CNTN6: variants seen among roughly 807,000 people sequenced by gnomAD.
The protein encoded by CNTN6 is contactin-6.
Under a neutral mutation model 122.8 loss-of-function variants are expected in CNTN6, and 137 were observed. The ratio of observed to expected loss-of-function variants is 1.12; its 90% CI spans 0.97 to 1.29. CNTN6 has a LOEUF of 1.29. Ranked by LOEUF, CNTN6 falls within the 50% of genes most tolerant of loss-of-function variation. The probability of loss-of-function intolerance (pLI) is 0.00; values close to 1 mark genes in which losing one functional copy is unlikely to be tolerated. For synonymous variants in CNTN6, 570 were observed against 426.0 expected (o/e 1.34, Z -4.16); for missense variants, 1,634 against 1,223.4 (o/e 1.34, Z -5.01).
chr3:1,111,809 A>T (rs1214726625), intron 1 of CNTN6, among the ~76,000 whole-genome samples: 1 of 152,178 alleles, frequency 6.6e-6, no homozygotes, highest in South Asian at 2.1e-4. Context: ...GAGGCTGGGC[A>T]ATCTTATTCC....
At chr3:1,241,003 C>T (rs2094475989) in intron 4 of CNTN6, among the ~76,000 whole-genome samples, 1 of 151,438 alleles carries the variant, frequency 6.6e-6, no homozygotes, top group African/African-American at 2.4e-5. Context: ...GGGAGAATTA[C>T]AAAGAACCTT....
intron 20 of CNTN6, among the ~76,000 whole-genome samples, chr3:1,388,210 G>A (rs1156786530): frequency 2.0e-5 from 3 of 150,064 alleles, no homozygotes; most frequent in East Asian, 3.9e-4. Flanking sequence ...TGCAGCTGGA[G>A]ATCTGAGAAC....
rs539554583 is a variant in CNTN6 at position 1,379,101 on chromosome 3, G to A, written c.2166+2026G>A. 5.3e-5 allele frequency among the ~76,000 whole-genome samples: 8 copies of A among 152,218 alleles called. No homozygotes were observed. In the East Asian group the frequency reaches 1.2e-3, roughly 22 times the overall value. Reference sequence around the variant, plus strand: ...CCTTGGTAAGAAATTCCTACAGGCTGTTGTTGCAATTGCTTGTACACAGTC... The same window carrying A: ...CCTTGGTAAGAAATTCCTACAGGCTATTGTTGCAATTGCTTGTACACAGTC... On this transcript the variant is annotated intron_variant, in intron 17 of 22. Transcript: ENST00000446702.
chr3:1,277,341 G>GTTTTCTT (rs1559684685), intron 4 of CNTN6, among the ~76,000 whole-genome samples: 7 of 66,108 alleles, frequency 1.1e-4, no homozygotes, highest in Admixed American at 2.4e-4. Context: ...CTTTTAGTAG[G>GTTTTCTT]TTTTCTTTTT....
At chr3:1,286,763 G>A (rs565117167) in intron 5 of CNTN6, among the ~76,000 whole-genome samples, 78 of 152,166 alleles carry the variant, frequency 5.1e-4, no homozygotes, top group African/African-American at 1.6e-3. Flanking sequence ...AGGCTCCTCC[G>A]TGTGCTGTAT....
chr3:1,256,996 C>G (rs1423704556), intron 4 of CNTN6, among the ~76,000 whole-genome samples: 1 of 152,128 alleles, frequency 6.6e-6, no homozygotes, highest in South Asian at 2.1e-4. Context: ...ATGATACTTT[C>G]AACAGCACCA....
chr3:1,217,115 A>G (rs1300114421), intron 2 of CNTN6, among the ~76,000 whole-genome samples: 6 of 152,246 alleles, frequency 3.9e-5, no homozygotes, highest in Non-Finnish European at 1.5e-5. Flanking sequence ...TATTTTAATA[A>G]CAAGGACACA....
intron 9 of CNTN6, among the ~76,000 whole-genome samples, 153 bp from the exon 10 acceptor site, chr3:1,327,302 TAA>T: frequency 6.6e-6 from 1 of 152,004 alleles, no homozygotes; most frequent in Admixed American, 6.6e-5. Context: ...TTTCGTTTTT[TAA>T]ACTTAAAAAT....
intron 19 of CNTN6, among the ~76,000 whole-genome samples, chr3:1,385,341 A>AT (rs1175965868): frequency 6.6e-6 from 1 of 151,964 alleles, no homozygotes; most frequent in African/African-American, 2.4e-5. Context: ...TAACCTTTAG[A>AT]TAGCTCATAA....
rs188755297 is a variant in CNTN6 at position 1,127,182 on chromosome 3, A to G, written c.-82-20745A>G. Reference sequence around the variant, plus strand: ...TTGAAAATGCCTGTTTTTCCCTACTAAGGGATGTGGAAATAGGGTTGCTTC... The same window carrying G: ...TTGAAAATGCCTGTTTTTCCCTACTGAGGGATGTGGAAATAGGGTTGCTTC... On this transcript the variant is annotated intron_variant, in intron 1 of 22. Transcript: ENST00000446702. Among the ~76,000 whole-genome samples, 59 of 151,916 alleles carry G rather than the reference A, an allele frequency of 3.9e-4. No homozygotes were observed. In the East Asian group the frequency reaches 0.011, roughly 28 times the overall value.
At chr3:1,321,474 T>A (rs1700833140) in intron 7 of CNTN6, among the ~76,000 whole-genome samples, 176 bp from the exon 8 acceptor site, 1 of 151,748 alleles carries the variant, frequency 6.6e-6, no homozygotes, top group African/African-American at 2.4e-5. Flanking sequence ...TAATAAAGTG[T>A]TAAATAAATG....
chr3:1,356,802 A>G (rs1706625837), intron 12 of CNTN6, among the ~76,000 whole-genome samples: 2 of 151,930 alleles, frequency 1.3e-5, no homozygotes, highest in South Asian at 4.1e-4. Context: ...GGTAAAAATT[A>G]CTTTCAAGGT....
chr3:1,369,386 T>G (rs1356515136), intron 12 of CNTN6, among the ~76,000 whole-genome samples: 1 of 151,540 alleles, frequency 6.6e-6, no homozygotes, highest in Non-Finnish European at 1.5e-5. Context: ...TGCGGGTTTT[T>G]TTTTTTTTTT....
chr3:1,173,615 G>A (rs896966980), intron 2 of CNTN6, among the ~76,000 whole-genome samples: 5 of 152,074 alleles, frequency 3.3e-5, no homozygotes, highest in African/African-American at 1.2e-4. Context: ...AGCTTCTGTT[G>A]AGATTATTTT....
chr3:1,303,814 G>A (rs192597863), intron 7 of CNTN6, among the ~76,000 whole-genome samples: 6 of 152,078 alleles, frequency 3.9e-5, no homozygotes, highest in African/African-American at 1.4e-4. Flanking sequence ...TATTTTGATA[G>A]GCAGTTGTTA....
At chr3:1,154,554 C>T (rs1351192181) in intron 2 of CNTN6, among the ~76,000 whole-genome samples, 2 of 151,744 alleles carry the variant, frequency 1.3e-5, no homozygotes, top group Non-Finnish European at 2.9e-5. Flanking sequence ...AGCAATTCTC[C>T]TGCCTCAGCC....
At chr3:1,346,338 T>C (rs1367014991) in intron 11 of CNTN6, among the ~76,000 whole-genome samples, 1 of 152,154 alleles carries the variant, frequency 6.6e-6, no homozygotes, top group Non-Finnish European at 1.5e-5. Flanking sequence ...TGTGGCAGTT[T>C]TGGGAGGTGG....
At chr3:1,129,783 T>G (rs1182316168) in intron 1 of CNTN6, among the ~76,000 whole-genome samples, 3 of 152,120 alleles carry the variant, frequency 2.0e-5, no homozygotes, top group Non-Finnish European at 4.4e-5. Context: ...TCTACATGAA[T>G]TTAAGTATGA....
chr3:1,204,919 A>G (rs2093937908), intron 2 of CNTN6, among the ~76,000 whole-genome samples: 1 of 152,156 alleles, frequency 6.6e-6, no homozygotes, highest in African/African-American at 2.4e-5. Context: ...AATCCCTGGA[A>G]CATGTGAATC....
Sources: allele counts gnomAD v4.1 joint callset (sites outside exome capture counted in the v4.1 genomes callset), GRCh38; gene constraint gnomAD v4.1.1; transcripts MANE v1.5; gene names NCBI Gene and HGNC (gene_info 2026-07-23, HGNC 2026-07-21).